Variants in ZNF385D observed in about 807,000 individuals in gnomAD.
ZNF385D encodes zinc finger protein 659.
ZNF385D carries 15 observed loss-of-function variants against 35.8 expected under a neutral mutation model. The ratio of observed to expected loss-of-function variants is 0.42; its 90% CI spans 0.28 to 0.64. The LOEUF (loss-of-function observed/expected upper bound fraction) is 0.64. Among genes scored for constraint, ZNF385D ranks in the 30% least tolerant of loss-of-function variants. The probability of loss-of-function intolerance (pLI) is 0.23; values close to 1 mark genes in which losing one functional copy is unlikely to be tolerated. For synonymous variants in ZNF385D, 212 were observed against 186.8 expected (o/e 1.13, Z -1.10); for missense variants, 474 against 494.6 (o/e 0.96, Z 0.39).
intron 3 of ZNF385D, among the ~76,000 whole-genome samples, chr3:21,549,481 T>G (rs2125592052): frequency 6.6e-6 from 1 of 152,286 alleles, no homozygotes; most frequent in Middle Eastern, 3.4e-3. Context: ...CTAGCAAGGT[T>G]GTGAGATAAA....
chr3:22,337,073 TA>T (rs1695204164), intron 2 of ZNF385D, among the ~76,000 whole-genome samples: 1 of 151,928 alleles, frequency 6.6e-6, no homozygotes, highest in African/African-American at 2.4e-5. Context: ...AGAAAGTCAA[TA>T]AAAATTATAT....
intron 3 of ZNF385D, among the ~76,000 whole-genome samples, chr3:22,119,028 T>C (rs936203543): frequency 6.6e-5 from 10 of 152,098 alleles, no homozygotes; most frequent in Admixed American, 6.6e-4. Context: ...ATTACCTAAT[T>C]CTAAAAAATT....
chr3:22,112,710 T>A (rs537198236), intron 3 of ZNF385D, among the ~76,000 whole-genome samples: 4 of 152,178 alleles, frequency 2.6e-5, no homozygotes, highest in South Asian at 4.2e-4. Context: ...AAGCTACACA[T>A]AGAAGATGAA....
intron 1 of ZNF385D, among the ~76,000 whole-genome samples, chr3:21,681,993 G>A (rs1256637435): frequency 6.6e-6 from 1 of 152,122 alleles, no homozygotes; most frequent in African/African-American, 2.4e-5. Context: ...CATGACAAAT[G>A]TTTGACATCA....
chr3:21,812,277 C>T (rs951459343), intron 3 of ZNF385D, among the ~76,000 whole-genome samples: 7 of 152,250 alleles, frequency 4.6e-5, no homozygotes, highest in African/African-American at 1.7e-4. Flanking sequence ...CAGCTCCCAG[C>T]ATGAGTGACG....
intron 3 of ZNF385D, among the ~76,000 whole-genome samples, chr3:21,520,775 G>A (rs1470957092): frequency 2.0e-5 from 3 of 152,072 alleles, no homozygotes; most frequent in Admixed American, 6.6e-5. Context: ...GCATTTTAAG[G>A]GTTATCTAAA....
chr3:21,844,534 T>C (rs1470639804), intron 3 of ZNF385D, among the ~76,000 whole-genome samples: 2 of 151,968 alleles, frequency 1.3e-5, no homozygotes, highest in Non-Finnish European at 1.5e-5. Flanking sequence ...AAACATTCTC[T>C]GATTACAAAA....
intron 2 of ZNF385D, among the ~76,000 whole-genome samples, chr3:22,290,649 C>G (rs1243208338): frequency 6.6e-6 from 1 of 152,158 alleles, no homozygotes; most frequent in Non-Finnish European, 1.5e-5. Flanking sequence ...CTAGATGTTT[C>G]TTGGTCTGGC....
At chr3:22,183,684 T>C (rs1695437482) in intron 2 of ZNF385D, among the ~76,000 whole-genome samples, 1 of 152,190 alleles carries the variant, frequency 6.6e-6, no homozygotes, top group Non-Finnish European at 1.5e-5. Flanking sequence ...TTCTATTGTA[T>C]CATTAATACA....
At chr3:21,436,851 C>T in intron 5 of ZNF385D, 119 bp downstream of exon 5, 1 of 926,476 alleles carries the variant, frequency 1.1e-6, no homozygotes, top group Non-Finnish European at 1.6e-6. Context: ...TTAATGATTT[C>T]CATGTAATAA....
rs78473614 is a variant in ZNF385D at position 22,170,566 on chromosome 3, G to C, written c.107-1531C>G. Among the ~76,000 whole-genome samples the C allele has an allele frequency of 7.7e-3, 1,175 of 152,022 alleles. 5 individuals carry two copies. The highest frequency in any genetic ancestry group is 0.012 in the Non-Finnish European group (823 of 67,964). ...AAATATATTAACTTCCTTTTAAAAA[G>C]GAAACTCTATCTCTCTTACTCAGAT... is the stretch of plus-strand genomic sequence containing the variant. On this transcript the variant is annotated intron_variant, in intron 2 of 5. Coordinates refer to the ZNF385D transcript ENST00000494108.
intron 2 of ZNF385D, among the ~76,000 whole-genome samples, chr3:21,591,920 T>C (rs1265063181): frequency 6.6e-6 from 1 of 152,170 alleles, no homozygotes; most frequent in Non-Finnish European, 1.5e-5. Context: ...AACTTTTCCA[T>C]CATAGATCAA....
intron 3 of ZNF385D, among the ~76,000 whole-genome samples, chr3:21,975,006 G>C (rs969796428): frequency 2.0e-5 from 3 of 152,126 alleles, no homozygotes; most frequent in East Asian, 1.9e-4. Context: ...AGAACAGTTT[G>C]GCAGTTCCTC....
At chr3:22,165,730 G>A (rs115164894) in intron 3 of ZNF385D, among the ~76,000 whole-genome samples, 8 of 152,086 alleles carry the variant, frequency 5.3e-5, no homozygotes, top group African/African-American at 1.9e-4. Context: ...TCTTTCTTAG[G>A]AGGAGACCCC....
intron 3 of ZNF385D, among the ~76,000 whole-genome samples, chr3:22,032,963 G>A (rs1698089786): frequency 2.0e-5 from 3 of 152,082 alleles, no homozygotes; most frequent in Admixed American, 2.0e-4. Context: ...ATGAAAGTTT[G>A]ATCTGCATCA....
chr3:22,254,240 A>G (rs1700202481), intron 2 of ZNF385D, among the ~76,000 whole-genome samples: 1 of 151,934 alleles, frequency 6.6e-6, no homozygotes, highest in African/African-American at 2.4e-5. Context: ...AATATTTCAA[A>G]ACTATTGAGT....
chr3:21,974,366 T>C (rs199705755), intron 3 of ZNF385D, among the ~76,000 whole-genome samples: 1 of 151,966 alleles, frequency 6.6e-6, no homozygotes, highest in East Asian at 1.9e-4. Context: ...AAACTAGATA[T>C]GCATATACAA....
chr3:21,901,990 T>C lies in ZNF385D; in HGVS notation c.326-236962A>G, dbSNP rs79346440. ...AGGATGGTCACAGTCTCTCTGTCCA[T>C]TGGGTGATAAGCTATTCTTTATTCC... On this transcript the variant is annotated intron_variant, in intron 3 of 5. Transcript: ENST00000494108. 4.3e-4 allele frequency among the ~76,000 whole-genome samples: 66 copies of C among 152,250 alleles called. No homozygotes were observed. In the East Asian group the frequency reaches 0.012, roughly 29 times the overall value.
chr3:21,829,753 G>T (rs1209922045), intron 3 of ZNF385D, among the ~76,000 whole-genome samples: 1 of 151,602 alleles, frequency 6.6e-6, no homozygotes, highest in Non-Finnish European at 1.5e-5. Flanking sequence ...AAATATATAC[G>T]GTTGGTGCAA....
Sources: allele counts gnomAD v4.1 joint callset (sites outside exome capture counted in the v4.1 genomes callset), GRCh38; gene constraint gnomAD v4.1.1; transcripts MANE v1.5; gene names NCBI Gene and HGNC (gene_info 2026-07-23, HGNC 2026-07-21).